The following SNTG1 variants were observed in gnomAD, a reference collection of about 807,000 sequenced individuals.
SNTG1 encodes the protein syntrophin gamma 1, also known as gamma-1-syntrophin.
A neutral mutation model predicts 74.7 loss-of-function variants in SNTG1; 39 were observed. The observed-to-expected ratio is 0.52, with a 90% CI of 0.40 to 0.68. SNTG1 has a LOEUF of 0.68. SNTG1 is among the 30% of genes least tolerant of loss of function. SNTG1 has a pLI of 0.00. For synonymous variants in SNTG1, 254 were observed against 217.1 expected, an observed-to-expected ratio of 1.17 and a Z score of -1.49; for missense variants, 685 against 609.5, an observed-to-expected ratio of 1.12 and a Z score of -1.30.
chr8:49,964,475 C>G (rs1810968733), intron 1 of SNTG1, among the ~76,000 whole-genome samples: 3 of 152,210 alleles, frequency 2.0e-5, no homozygotes, highest in African/African-American at 4.8e-5. Flanking sequence ...GATTGATAGA[C>G]AGGTAGATGA....
In SNTG1 at chr8:49,980,521, C is replaced by CAA. The variant is rs565561398; in HGVS notation, c.-103+68319_-103+68320dup. Among the ~76,000 whole-genome samples, 47 of 53,824 alleles carry CAA rather than the reference C, an allele frequency of 8.7e-4. 1 individual carries two copies. The highest frequency in any genetic ancestry group is 1.8e-3 in the African/African-American group (25 of 13,594). The allele number at this position is 53,824 out of a possible 152,430, so 35.3% of individuals were successfully genotyped here. ...ACATCCCTTCCTGTAGACTCCTTCG[C>CAA]AAAAAAAAAAAAAAAAAAAAAAAAA... On this transcript the variant is annotated intron_variant, in intron 1 of 18. Coordinates refer to ENST00000642720, the MANE Select transcript of SNTG1 (RefSeq NM_018967.5).
intron 18 of SNTG1, among the ~76,000 whole-genome samples, chr8:50,766,408 A>G (rs1382717008): frequency 6.6e-6 from 1 of 151,974 alleles, no homozygotes; most frequent in Non-Finnish European, 1.5e-5. Context: ...TGATTTGGGA[A>G]TAATAATTGA....
chr8:50,350,812 A>T (rs527825819), intron 2 of SNTG1, among the ~76,000 whole-genome samples: 4 of 152,184 alleles, frequency 2.6e-5, no homozygotes, highest in Non-Finnish European at 4.4e-5. Flanking sequence ...AAACGCACCA[A>T]TCAGCACCCT....
In SNTG1 at chr8:50,646,018, A is replaced by T. The variant is rs2095106971; in HGVS notation, c.850-10891A>T. 3.3e-5 allele frequency among the ~76,000 whole-genome samples: 5 copies of T among 152,254 alleles called. No homozygotes were observed. In the South Asian group the frequency reaches 1.0e-3, roughly 32 times the overall value. On this transcript the variant is annotated intron_variant, in intron 13 of 18. Transcript: ENST00000642720. ...TTGTAAAATGTTTTTGTACTCGTTAAAAAAAGAATATTTCCTGTTTTAATC... is the reference window on the plus strand; with the variant it reads ...TTGTAAAATGTTTTTGTACTCGTTATAAAAAGAATATTTCCTGTTTTAATC...
intron 18 of SNTG1, among the ~76,000 whole-genome samples, chr8:50,758,928 A>G (rs889362193): frequency 3.3e-5 from 5 of 151,728 alleles, no homozygotes; most frequent in Admixed American, 6.6e-5. Flanking sequence ...ACTAATTTAC[A>G]CTCCCATCAA....
chr8:50,540,351 G>A (rs1270412256), intron 11 of SNTG1, among the ~76,000 whole-genome samples: 2 of 151,794 alleles, frequency 1.3e-5, no homozygotes, highest in African/African-American at 4.8e-5. Context: ...TTTCTATTTA[G>A]TATAATTTCA....
chr8:50,388,167 T>C (rs2092603637), intron 2 of SNTG1, among the ~76,000 whole-genome samples: 1 of 152,214 alleles, frequency 6.6e-6, no homozygotes, highest in Non-Finnish European at 1.5e-5. Context: ...TCAGGTCATA[T>C]ATGCAGGGCA....
chr8:49,939,095 A>G (rs1005484586), intron 1 of SNTG1, among the ~76,000 whole-genome samples: 2 of 152,150 alleles, frequency 1.3e-5, no homozygotes, highest in Non-Finnish European at 1.5e-5. Flanking sequence ...CACATTTTAA[A>G]TTTTATTTAG....
chr8:50,047,730 C>T (rs1819218875), intron 1 of SNTG1, among the ~76,000 whole-genome samples: 1 of 152,112 alleles, frequency 6.6e-6, no homozygotes, highest in Non-Finnish European at 1.5e-5. Flanking sequence ...AAAGCTTATC[C>T]TGTGTTTCTC....
Position 50,601,152 on chromosome 8 carries a change from C to CAAAAAAAAAAA in SNTG1, c.849+10257_849+10267dup, listed in dbSNP as rs71235311. On this transcript the variant is annotated intron_variant, in intron 13 of 18. Coordinates refer to ENST00000642720, the MANE Select transcript of SNTG1 (RefSeq NM_018967.5). The stretch of plus-strand genomic sequence containing the variant: ...CAGCCTGGTGACAGAGCCAGCGAGA[C>CAAAAAAAAAAA]AAAAAAAAAAAAAAAAAAAAAAAAA... 2.6e-3 allele frequency among the ~76,000 whole-genome samples: 82 copies of CAAAAAAAAAAA among 31,440 alleles called. 27 individuals carry two copies. Among genetic ancestry groups the CAAAAAAAAAAA allele is most frequent in the African/African-American group, 0.015 (75 of 5,082 alleles). 20.6% of individuals were successfully genotyped at this position (31,440 alleles called of 152,430 possible).
chr8:50,286,123 G>A (rs1021766774), intron 2 of SNTG1, among the ~76,000 whole-genome samples: 4 of 149,752 alleles, frequency 2.7e-5, no homozygotes, highest in African/African-American at 9.7e-5. Flanking sequence ...ATTCTGTTCT[G>A]TTTTCTGTTC....
intron 17 of SNTG1, among the ~76,000 whole-genome samples, chr8:50,743,266 A>G (rs1255455552): frequency 6.6e-6 from 1 of 151,932 alleles, no homozygotes; most frequent in Non-Finnish European, 1.5e-5. Flanking sequence ...AAATACTAGC[A>G]AACAGAACTC....
chr8:50,532,523 C>T (rs908142447), intron 10 of SNTG1, among the ~76,000 whole-genome samples: 10 of 152,198 alleles, frequency 6.6e-5, no homozygotes, highest in Non-Finnish European at 5.9e-5. Flanking sequence ...AAAAATTCAA[C>T]GTAAGTTGAG....
intron 18 of SNTG1, among the ~76,000 whole-genome samples, chr8:50,776,626 A>G (rs1342144210): frequency 6.6e-6 from 1 of 151,204 alleles, no homozygotes; most frequent in Non-Finnish European, 1.5e-5. Flanking sequence ...ATACCCAAGT[A>G]TAAGTTAGAA....
At chr8:50,233,758 A>G (rs2085752600) in intron 2 of SNTG1, among the ~76,000 whole-genome samples, 1 of 151,734 alleles carries the variant, frequency 6.6e-6, no homozygotes. Context: ...GACACATTTC[A>G]CTAAAGAGGC....
intron 11 of SNTG1, among the ~76,000 whole-genome samples, chr8:50,539,836 T>C (rs1447974066): frequency 6.6e-6 from 1 of 152,226 alleles, no homozygotes; most frequent in Non-Finnish European, 1.5e-5. Context: ...GGTATTTGAC[T>C]GGATTTGGGC....
intron 18 of SNTG1, among the ~76,000 whole-genome samples, chr8:50,752,785 T>C (rs971535369): frequency 5.9e-5 from 9 of 151,966 alleles, no homozygotes; most frequent in Non-Finnish European, 1.3e-4. Flanking sequence ...CTTGATGATA[T>C]TTTTGGCAAA....
At chr8:50,681,526 A>G (rs1451706000) in intron 15 of SNTG1, among the ~76,000 whole-genome samples, 3 of 152,184 alleles carry the variant, frequency 2.0e-5, no homozygotes, top group Admixed American at 6.5e-5. Flanking sequence ...TACATAATAC[A>G]TAACCTGTTT....
chr8:50,737,694 C>T (rs933631921), intron 17 of SNTG1, among the ~76,000 whole-genome samples: 2 of 152,082 alleles, frequency 1.3e-5, no homozygotes, highest in Admixed American at 6.6e-5. Flanking sequence ...AGCAGCACAT[C>T]AAAAAGCTTG....
Sources: gnomAD v4.1 joint callset for allele counts (sites outside exome capture counted in the v4.1 genomes callset) on GRCh38, gnomAD v4.1.1 for gene constraint, MANE v1.5 for transcripts, NCBI Gene and HGNC (gene_info 2026-07-23, HGNC 2026-07-21) for gene names.